MAGI1: variants seen among roughly 807,000 people sequenced by gnomAD.
MAGI1 encodes the protein membrane-associated guanylate kinase, WW and PDZ domain-containing protein 1.
MAGI1 carries 58 observed loss-of-function variants against 139.9 expected under a neutral mutation model. The observed-to-expected ratio is 0.41, with a 90% CI of 0.34 to 0.52. MAGI1 has a LOEUF of 0.52. Among genes scored for constraint, MAGI1 ranks in the 20% least tolerant of loss-of-function variants. MAGI1 has a pLI of 0.12. For missense variants in MAGI1, 1,874 were observed against 1,901.6 expected (o/e 0.99, Z 0.27); for synonymous variants, 812 against 737.9 (o/e 1.10, Z -1.63).
intron 5 of MAGI1, among the ~76,000 whole-genome samples, chr3:65,467,439 G>A (rs1246032623): frequency 6.6e-6 from 1 of 152,086 alleles, no homozygotes; most frequent in Non-Finnish European, 1.5e-5. Context: ...ATATAATTTA[G>A]GCTAAAATAT....
chr3:65,473,842 A>C (rs1008097564), intron 4 of MAGI1, among the ~76,000 whole-genome samples: 1 of 152,120 alleles, frequency 6.6e-6, no homozygotes, highest in African/African-American at 2.4e-5. Flanking sequence ...TCTCAGCTCA[A>C]CAGAATCTGA....
intron 5 of MAGI1, among the ~76,000 whole-genome samples, chr3:65,457,116 C>A (rs890895944): frequency 1.3e-5 from 2 of 152,008 alleles, no homozygotes; most frequent in African/African-American, 4.8e-5. Flanking sequence ...TACATTAAAC[C>A]TGTATATCCA....
chr3:65,456,327 G>A (rs948566995), intron 5 of MAGI1, among the ~76,000 whole-genome samples: 5 of 151,654 alleles, frequency 3.3e-5, no homozygotes, highest in East Asian at 3.9e-4. Context: ...TCAGTGAAAT[G>A]TCTGTCCCTC....
chr3:65,601,600 C>G (rs1380650587), intron 2 of MAGI1, among the ~76,000 whole-genome samples: 1 of 151,828 alleles, frequency 6.6e-6, no homozygotes, highest in East Asian at 1.9e-4. Flanking sequence ...GAAGTTGGAC[C>G]CCCACCTCCA....
chr3:65,651,216 A>C (rs2085559063), intron 1 of MAGI1, among the ~76,000 whole-genome samples: 1 of 152,172 alleles, frequency 6.6e-6, no homozygotes, highest in African/African-American at 2.4e-5. Context: ...CACATTATGG[A>C]CTTATCCAGG....
Position 65,621,963 on chromosome 3 carries a change from A to AGGCACAGCATGGCG in MAGI1, c.430+8_430+9insCGCCATGCTGTGCC. 6.3e-7 allele frequency: 1 copy of AGGCACAGCATGGCG among 1,577,954 alleles called. No individual in the cohort carries two copies. Among genetic ancestry groups the AGGCACAGCATGGCG allele is most frequent in the South Asian group, 1.1e-5 (1 of 90,328 alleles). On this transcript the variant is annotated intron_variant, in intron 2 of 22. Coordinates refer to ENST00000402939, the MANE Select transcript of MAGI1 (RefSeq NM_001033057.2). ...CACAGCAGTGAGATGCCAAAGTCCA[A>AGGCACAGCATGGCG]CTACTTACAAGGCACAGCATGGCGG... is the stretch of plus-strand genomic sequence containing the variant.
At chr3:65,910,283 T>A (rs1437699168) in intron 1 of MAGI1, among the ~76,000 whole-genome samples, 2 of 152,234 alleles carry the variant, frequency 1.3e-5, no homozygotes, top group African/African-American at 4.8e-5. Context: ...GAGATAGATA[T>A]AATTGAGAAT....
intron 2 of MAGI1, among the ~76,000 whole-genome samples, chr3:65,614,728 CAA>C (rs1202620190): frequency 2.0e-5 from 3 of 151,894 alleles, no homozygotes; most frequent in Admixed American, 6.6e-5. Context: ...TCTTTACTGA[CAA>C]AGAGTGATGA....
At chr3:65,738,455 G>A (rs1576952222) in intron 1 of MAGI1, among the ~76,000 whole-genome samples, 1 of 152,164 alleles carries the variant, frequency 6.6e-6, no homozygotes, top group South Asian at 2.1e-4. Flanking sequence ...GGGATTATAA[G>A]CTTGAGCCAT....
chr3:65,814,996 G>T (rs1280169191), intron 1 of MAGI1, among the ~76,000 whole-genome samples: 23 of 152,186 alleles, frequency 1.5e-4, no homozygotes, highest in Admixed American at 1.5e-3. Context: ...ATTTGGGAAA[G>T]CTGCAAGATC....
Position 66,008,705 on chromosome 3 carries a change from G to GC in MAGI1, c.313+29290_313+29291insG, listed in dbSNP as rs1262304647. 7 of 152,100 alleles carry GC rather than the reference G, an allele frequency of 4.6e-5. No homozygotes were observed. The East Asian group carries it at 1.4e-3, about 29-fold the overall frequency. 9.4% of individuals were successfully genotyped at this position (152,100 alleles called of 1,614,324 possible). Reference sequence around the variant, plus strand: ...TACATATTAAGTAGGAAGAGTATGGGGGGGCAGGGAACAGTGTCCAGCCAA... The same window carrying GC: ...TACATATTAAGTAGGAAGAGTATGGGCGGGGCAGGGAACAGTGTCCAGCCAA... On this transcript the variant is annotated intron_variant, in intron 1 of 22. Coordinates refer to ENST00000402939, the MANE Select transcript of MAGI1 (RefSeq NM_001033057.2).
intron 5 of MAGI1, among the ~76,000 whole-genome samples, chr3:65,467,165 T>A (rs1950227146): frequency 6.6e-6 from 1 of 152,226 alleles, no homozygotes; most frequent in Non-Finnish European, 1.5e-5. Context: ...TTCAAAGTCT[T>A]CTTATGTTTG....
intron 1 of MAGI1, among the ~76,000 whole-genome samples, chr3:65,987,592 CTTTTCTTTCCTTTCTTTTTTA>C (rs2065946041): frequency 2.0e-5 from 3 of 152,016 alleles, no homozygotes; most frequent in Admixed American, 2.0e-4. Flanking sequence ...TGCCTGCCTG[CTTTTCTTTCCTTTCTTTTTTA>C]AGGCAGAGTC....
chr3:65,900,170 C>T (rs376030007), intron 1 of MAGI1, among the ~76,000 whole-genome samples: 1 of 152,264 alleles, frequency 6.6e-6, no homozygotes, highest in South Asian at 2.1e-4. Flanking sequence ...CATCGTCTTG[C>T]TTTGCACGTT....
chr3:65,838,937 C>T (rs565746038), intron 1 of MAGI1, among the ~76,000 whole-genome samples: 12 of 152,336 alleles, frequency 7.9e-5, no homozygotes, highest in Non-Finnish European at 1.3e-4. Context: ...AGTAATAACA[C>T]ATCATGGTCT....
chr3:65,527,724 C>G lies in MAGI1; in HGVS notation c.431-34093G>C, dbSNP rs142738348. 3.2e-3 allele frequency among the ~76,000 whole-genome samples: 486 copies of G among 151,600 alleles called. 1 individual carries two copies. Among genetic ancestry groups the G allele is most frequent in the African/African-American group, 0.011 (455 of 41,338 alleles). On this transcript the variant is annotated intron_variant, in intron 2 of 22. Transcript: ENST00000402939. ...TGGGCAACAGAGCGAGACTCTGTCT[C>G]AAAAAATGTATATAAAAATAAAAAA...
intron 2 of MAGI1, among the ~76,000 whole-genome samples, chr3:65,502,657 G>C (rs780983214): frequency 2.5e-4 from 38 of 152,192 alleles, no homozygotes; most frequent in Non-Finnish European, 4.1e-4. Flanking sequence ...GGCAGGAAAT[G>C]AAAGCCCTTC....
chr3:65,600,461 T>A (rs769591073), intron 2 of MAGI1, among the ~76,000 whole-genome samples: 11 of 152,214 alleles, frequency 7.2e-5, no homozygotes, highest in Non-Finnish European at 1.5e-4. Context: ...CTACTTGGTT[T>A]TTCTCAGAGG....
chr3:65,690,286 G>A, intron 1 of MAGI1, among the ~76,000 whole-genome samples: 1 of 152,082 alleles, frequency 6.6e-6, no homozygotes, highest in East Asian at 1.9e-4. Context: ...GAAGGGTTGA[G>A]TCCTGGTGAC....
Sources: allele counts gnomAD v4.1 joint callset (sites outside exome capture counted in the v4.1 genomes callset), GRCh38; gene constraint gnomAD v4.1.1; transcripts MANE v1.5; gene names NCBI Gene and HGNC (gene_info 2026-07-23, HGNC 2026-07-21).